Variants in LCORL observed in about 807,000 individuals in gnomAD.
The protein encoded by LCORL is ligand dependent nuclear receptor corepressor like.
A neutral mutation model predicts 141.8 loss-of-function variants in LCORL; 41 were observed. The observed-to-expected ratio is 0.29, with a 90% CI of 0.23 to 0.38. LCORL has a LOEUF of 0.38. Ranked by LOEUF, LCORL falls within the 10% of genes least tolerant of loss-of-function variation. The pLI is 1.00. For missense variants in LCORL, 1,759 were observed against 2,035.0 expected, an observed-to-expected ratio of 0.86 and a Z score of 2.61; for synonymous variants, 618 against 694.1, an observed-to-expected ratio of 0.89 and a Z score of 1.72.
At chr4:17,883,574 C>T in intron 6 of LCORL, 1 of 1,343,450 alleles carries the variant, frequency 7.4e-7, no homozygotes, top group Admixed American at 3.4e-5. Context: ...GGTTTTTGAA[C>T]TGTAAAATTT....
At chr4:17,986,620 G>GTTGTTTGT (rs547408008) in intron 1 of LCORL, among the ~76,000 whole-genome samples, 12 of 152,154 alleles carry the variant, frequency 7.9e-5, no homozygotes, top group African/African-American at 2.6e-4. Flanking sequence ...AGTTAGGTGT[G>GTTGTTTGT]TTGTTTGTTT....
intron 1 of LCORL, among the ~76,000 whole-genome samples, chr4:17,984,873 A>C (rs1577640217): frequency 1.3e-5 from 2 of 151,720 alleles, no homozygotes; most frequent in African/African-American, 4.8e-5. Context: ...TTGAGATCTA[A>C]CTTTTGATGT....
chr4:17,920,516 A>G (rs1331780415), intron 4 of LCORL, among the ~76,000 whole-genome samples: 2 of 152,038 alleles, frequency 1.3e-5, no homozygotes, highest in African/African-American at 4.8e-5. Flanking sequence ...GGCTGTGGCA[A>G]TTTCTTACAT....
intron 2 of LCORL, among the ~76,000 whole-genome samples, chr4:17,970,448 AAAC>A (rs1715707685): frequency 1.3e-5 from 2 of 152,208 alleles, no homozygotes; most frequent in Admixed American, 6.5e-5. Context: ...AATAAATAAC[AAAC>A]AATCTAATGT....
intron 1 of LCORL, among the ~76,000 whole-genome samples, chr4:17,991,966 A>G (rs535070816): frequency 6.6e-6 from 1 of 152,320 alleles, no homozygotes; most frequent in East Asian, 1.9e-4. Flanking sequence ...ACAGAGAGTA[A>G]TGGATACCTA....
chr4:17,962,933 ATTAGT>A (rs774080648), intron 3 of LCORL, 32 bp downstream of exon 3: 7 of 1,124,400 alleles, frequency 6.2e-6, no homozygotes, highest in South Asian at 3.6e-5. Context: ...ACAATTGTGC[ATTAGT>A]TTAAAGATAA....
chr4:18,014,402 G>A (rs898534002), intron 1 of LCORL, among the ~76,000 whole-genome samples: 6 of 151,998 alleles, frequency 3.9e-5, no homozygotes, highest in Non-Finnish European at 8.8e-5. Flanking sequence ...TTGTAAGTCA[G>A]ACTGAAAGAC....
chr4:17,938,889 C>A (rs1737344468), intron 4 of LCORL, among the ~76,000 whole-genome samples: 1 of 152,056 alleles, frequency 6.6e-6, no homozygotes, highest in African/African-American at 2.4e-5. Context: ...TGTCTAGTTT[C>A]TTTACCTACC....
At chr4:17,882,045 A>G (rs1727645039) in intron 6 of LCORL, 2 of 983,334 alleles carry the variant, frequency 2.0e-6, no homozygotes, top group Non-Finnish European at 2.4e-6. Context: ...AAGAGGGTTA[A>G]GTATAGATCT....
chr4:17,909,141 G>A, exon 5 of LCORL: 1 of 1,612,728 alleles, frequency 6.2e-7, no homozygotes, highest in Non-Finnish European at 8.5e-7. Context: ...GAGGTCTAAG[G>A]GGCCTTCCTG....
intron 1 of LCORL, among the ~76,000 whole-genome samples, chr4:18,005,120 T>C (rs889950073): frequency 6.6e-6 from 1 of 152,124 alleles, no homozygotes. Flanking sequence ...GATTTCTCTA[T>C]GTTGGCCAGG....
At chr4:17,932,888 A>C (rs969795587) in intron 4 of LCORL, among the ~76,000 whole-genome samples, 1 of 152,200 alleles carries the variant, frequency 6.6e-6, no homozygotes, top group Non-Finnish European at 1.5e-5. Flanking sequence ...CTTTAAATAC[A>C]GTATTTCTTG....
At chr4:18,003,906 G>C (rs926782566) in intron 1 of LCORL, among the ~76,000 whole-genome samples, 1 of 152,142 alleles carries the variant, frequency 6.6e-6, no homozygotes, top group Non-Finnish European at 1.5e-5. Flanking sequence ...GACAGAATAA[G>C]TGATCAAACC....
At chr4:18,018,481 C>A (rs1434788034) in intron 1 of LCORL, among the ~76,000 whole-genome samples, 1 of 151,966 alleles carries the variant, frequency 6.6e-6, no homozygotes, top group South Asian at 2.1e-4. Flanking sequence ...GTGGAATGAA[C>A]CAGAACAGTA....
At chr4:17,895,041 T>C (rs1260849279) in intron 5 of LCORL, among the ~76,000 whole-genome samples, 5 of 149,602 alleles carry the variant, frequency 3.3e-5, no homozygotes, top group Admixed American at 2.7e-4. Flanking sequence ...ATAATATATA[T>C]AAAAAAAGTT....
chr4:17,948,303 A>G (rs1257838702), intron 4 of LCORL, among the ~76,000 whole-genome samples: 1 of 152,050 alleles, frequency 6.6e-6, no homozygotes, highest in Non-Finnish European at 1.5e-5. Context: ...TCTGGGCCAC[A>G]GAGTAGGGTT....
At chr4:17,960,936 T>C (rs1345606989) in intron 4 of LCORL, among the ~76,000 whole-genome samples, 1 of 152,144 alleles carries the variant, frequency 6.6e-6, no homozygotes, top group East Asian at 1.9e-4. Flanking sequence ...AGGATTTCCA[T>C]ATTCCAACAT....
intron 5 of LCORL, among the ~76,000 whole-genome samples, chr4:17,887,257 G>C (rs1728397765): frequency 6.6e-6 from 1 of 151,946 alleles, no homozygotes; most frequent in African/African-American, 2.4e-5. Flanking sequence ...AGTACCTATT[G>C]TCATAGTCAT....
intron 7 of LCORL, among the ~76,000 whole-genome samples, chr4:17,859,910 T>C (rs1009674100): frequency 3.9e-5 from 6 of 152,198 alleles, no homozygotes; most frequent in Admixed American, 6.5e-5. Context: ...TTCTTAGGTA[T>C]GGCTAACCGG....
Sources: gnomAD v4.1 joint callset for allele counts (sites outside exome capture counted in the v4.1 genomes callset) on GRCh38, gnomAD v4.1.1 for gene constraint, MANE v1.5 for transcripts, NCBI Gene and HGNC (gene_info 2026-07-23, HGNC 2026-07-21) for gene names.